ROR1: variants seen among roughly 807,000 people sequenced by gnomAD.
ROR1 encodes the protein ROR family WNT receptor 1, also known as inactive tyrosine-protein kinase transmembrane receptor ROR1.
A neutral mutation model predicts 78.8 loss-of-function variants in ROR1; 19 were observed. The ratio of observed to expected loss-of-function variants is 0.24; its 90% confidence interval spans 0.17 to 0.35. ROR1 has a LOEUF of 0.35. ROR1 is among the 10% of genes least tolerant of loss of function. The pLI is 1.00. For missense variants in ROR1, 917 were observed against 1,177.8 expected, an observed-to-expected ratio of 0.78 and a Z score of 3.24; for synonymous variants, 386 against 433.6, an observed-to-expected ratio of 0.89 and a Z score of 1.36.
At chr1:63,831,493 C>A (rs1006896573) in intron 1 of ROR1, among the ~76,000 whole-genome samples, 8 of 152,342 alleles carry the variant, frequency 5.3e-5, no homozygotes, top group Middle Eastern at 3.4e-3. Context: ...GAAGCAATGC[C>A]TGAGCTGTAC....
intron 1 of ROR1, chr1:63,843,430 T>C (rs773066392): frequency 8.1e-6 from 6 of 739,976 alleles, no homozygotes; most frequent in Non-Finnish European, 1.2e-5. Flanking sequence ...TCGTAGGTTG[T>C]GTCACAGAGG....
intron 7 of ROR1, among the ~76,000 whole-genome samples, chr1:64,152,650 A>G (rs1460304002): frequency 2.0e-5 from 3 of 152,200 alleles, no homozygotes; most frequent in African/African-American, 7.2e-5. Flanking sequence ...CCTTAAAGCA[A>G]CTTATAATAT....
chr1:63,997,816 G>A (rs760222875), intron 1 of ROR1, among the ~76,000 whole-genome samples: 14 of 142,578 alleles, frequency 9.8e-5, no homozygotes, highest in Non-Finnish European at 1.5e-4. Flanking sequence ...GTTAGTTTCT[G>A]TATCTATGAT....
chr1:63,898,693 G>T (rs1404226015), intron 1 of ROR1, among the ~76,000 whole-genome samples: 1 of 152,068 alleles, frequency 6.6e-6, no homozygotes, highest in Non-Finnish European at 1.5e-5. Flanking sequence ...AATGAAGTGA[G>T]AGAGGGAGAG....
At chr1:63,800,101 G>A (rs926177481) in intron 1 of ROR1, among the ~76,000 whole-genome samples, 2 of 152,172 alleles carry the variant, frequency 1.3e-5, no homozygotes, top group Non-Finnish European at 2.9e-5. Flanking sequence ...CAAAGATGGG[G>A]ATGCTTCATA....
At chr1:63,843,804 A>G (rs1195230959) in intron 1 of ROR1, 3 of 341,928 alleles carry the variant, frequency 8.8e-6, no homozygotes, top group Middle Eastern at 9.6e-4. Context: ...CAGGCTGCAC[A>G]TTGCTCATAG....
chr1:63,947,056 C>T (rs1209802379), intron 1 of ROR1, among the ~76,000 whole-genome samples: 1 of 152,162 alleles, frequency 6.6e-6, no homozygotes, highest in Non-Finnish European at 1.5e-5. Context: ...AGATCTACTT[C>T]TCCTGACCCG....
chr1:63,874,447 A>T (rs1645270811), intron 1 of ROR1, among the ~76,000 whole-genome samples: 1 of 152,110 alleles, frequency 6.6e-6, no homozygotes, highest in Non-Finnish European at 1.5e-5. Flanking sequence ...GCATCTGCTT[A>T]TTAGCAAGGT....
At chr1:63,965,471 A>G (rs996674005) in intron 1 of ROR1, among the ~76,000 whole-genome samples, 3 of 152,142 alleles carry the variant, frequency 2.0e-5, no homozygotes, top group Non-Finnish European at 4.4e-5. Flanking sequence ...TTTGCTTAGG[A>G]AAAAAACCAA....
intron 1 of ROR1, among the ~76,000 whole-genome samples, chr1:63,924,429 A>C (rs1313264122): frequency 6.6e-6 from 1 of 152,166 alleles, no homozygotes; most frequent in African/African-American, 2.4e-5. Context: ...GAAGTCTTTC[A>C]ATGTCTATAT....
At chr1:64,060,099 T>TTTTC (rs768774959) in intron 4 of ROR1, among the ~76,000 whole-genome samples, 2 of 152,172 alleles carry the variant, frequency 1.3e-5, no homozygotes, top group African/African-American at 2.4e-5. Context: ...TGAATTTAAG[T>TTTTC]TTTCTTTCTT....
intron 1 of ROR1, among the ~76,000 whole-genome samples, chr1:63,879,311 A>G (rs1483431091): frequency 6.6e-6 from 1 of 152,156 alleles, no homozygotes. Flanking sequence ...TCCTGCTCCC[A>G]TTATGGATGA....
rs1159319928 is a variant in ROR1 at position 64,014,711 on chromosome 1, GACTATATATATATATACACATACGCAC to G, written c.163+5352_163+5378del. 2.0e-3 allele frequency among the ~76,000 whole-genome samples: 56 copies of G among 28,342 alleles called. 1 individual carries two copies. Among genetic ancestry groups the G allele is most frequent in the African/African-American group, 3.8e-3 (45 of 11,930 alleles). 18.6% of individuals were successfully genotyped at this position (28,342 alleles called of 152,430 possible). ...CTGCAAATAGTTCTCTGTGCTGACAGACTATATATATATATACACATACGCACACTATATATATATATATATATATAT... is the reference window on the plus strand; with the variant it reads ...CTGCAAATAGTTCTCTGTGCTGACAGACTATATATATATATATATATATAT... On this transcript the variant is annotated intron_variant, in intron 2 of 8. Transcript: ENST00000371079.
intron 1 of ROR1, among the ~76,000 whole-genome samples, chr1:63,954,785 A>T (rs1468333593): frequency 6.6e-6 from 1 of 152,216 alleles, no homozygotes; most frequent in African/African-American, 2.4e-5. Context: ...GGTGATGTCC[A>T]AATAGTATGC....
Position 63,834,975 on chromosome 1 carries a change from G to A in ROR1, c.91+60467G>A, listed in dbSNP as rs76876682. 6.3e-3 allele frequency among the ~76,000 whole-genome samples: 961 copies of A among 152,072 alleles called. 10 individuals carry two copies. The highest frequency in any genetic ancestry group is 0.022 in the African/African-American group (930 of 41,454). ...AGGCTCATGGATCAATAATTGGCTG[G>A]GGCGGTTGGCCCCACTGGTCAACCT... On this transcript the variant is annotated intron_variant, in intron 1 of 8. Coordinates refer to ENST00000371079, the MANE Select transcript of ROR1 (RefSeq NM_005012.4).
chr1:63,890,859 G>A (rs1249929845), intron 1 of ROR1, among the ~76,000 whole-genome samples: 1 of 152,098 alleles, frequency 6.6e-6, no homozygotes. Context: ...AAATCCAAAT[G>A]TTGTCTACGG....
intron 1 of ROR1, among the ~76,000 whole-genome samples, chr1:63,885,370 G>A (rs148385423): frequency 0.02 from 3,035 of 152,260 alleles, 55 homozygotes; most frequent in African/African-American, 0.044. Context: ...CAGAAGGCTA[G>A]CATTTCTTTT....
intron 4 of ROR1, among the ~76,000 whole-genome samples, chr1:64,104,660 G>A (rs1380205223): frequency 2.0e-5 from 3 of 151,712 alleles, no homozygotes. Flanking sequence ...CCCTCCCTGT[G>A]TCCATGTGTT....
At chr1:63,817,964 G>A (rs757437352) in intron 1 of ROR1, among the ~76,000 whole-genome samples, 13 of 152,164 alleles carry the variant, frequency 8.5e-5, no homozygotes, top group Non-Finnish European at 1.2e-4. Flanking sequence ...TAACTGAAAT[G>A]TTATAATGGT....
Sources: allele counts gnomAD v4.1 joint callset (sites outside exome capture counted in the v4.1 genomes callset), GRCh38; gene constraint gnomAD v4.1.1; transcripts MANE v1.5; gene names NCBI Gene and HGNC (gene_info 2026-07-23, HGNC 2026-07-21).